The following STIM1 variants were observed in gnomAD, a reference collection of about 807,000 sequenced individuals.
STIM1 encodes stromal interaction molecule 1.
Under a neutral mutation model 74.7 loss-of-function variants are expected in STIM1, and 25 were observed. That is an observed-to-expected ratio of 0.33 (90% confidence interval 0.24 to 0.47). The LOEUF (loss-of-function observed/expected upper bound fraction) is 0.47. Ranked by LOEUF, STIM1 falls within the 20% of genes least tolerant of loss-of-function variation. STIM1 has a pLI of 1.00. For missense variants in STIM1, 728 were observed against 920.8 expected (o/e 0.79, Z 2.71); for synonymous variants, 328 against 348.8 (o/e 0.94, Z 0.66).
At chr11:4,036,085 T>G (rs1163398941) in intron 3 of STIM1, among the ~76,000 whole-genome samples, 1 of 152,180 alleles carries the variant, frequency 6.6e-6, no homozygotes, top group Non-Finnish European at 1.5e-5. Context: ...GAGCTCTCAC[T>G]TGCAAGTGAG....
intron 1 of STIM1, among the ~76,000 whole-genome samples, chr11:3,946,251 G>A (rs2093072192): frequency 6.6e-6 from 1 of 152,122 alleles, no homozygotes; most frequent in Admixed American, 6.5e-5. Flanking sequence ...CTACACCCCA[G>A]TTTTCATATC....
intron 1 of STIM1, among the ~76,000 whole-genome samples, chr11:3,860,592 A>G (rs995114597): frequency 1.3e-5 from 2 of 152,104 alleles, no homozygotes; most frequent in African/African-American, 4.8e-5. Context: ...TTTCTTTGTA[A>G]TTTTTCTCAG....
intron 2 of STIM1, among the ~76,000 whole-genome samples, chr11:3,988,689 G>A (rs1397760219): frequency 6.6e-6 from 1 of 152,120 alleles, no homozygotes; most frequent in Non-Finnish European, 1.5e-5. Context: ...ATGTTACAGA[G>A]TACACACAAT....
At chr11:4,070,258 T>G in intron 6 of STIM1, 55 bp downstream of exon 6, 1 of 1,605,200 alleles carries the variant, frequency 6.2e-7, no homozygotes, top group Admixed American at 1.7e-5. Flanking sequence ...GGGAACCTCC[T>G]ATTTCCACCT....
chr11:3,945,918 A>C (rs934717287), intron 1 of STIM1, among the ~76,000 whole-genome samples: 5 of 152,210 alleles, frequency 3.3e-5, no homozygotes, highest in African/African-American at 1.2e-4. Flanking sequence ...TTAACATGGT[A>C]AAAGCAAGAG....
In STIM1 at chr11:3,983,887, G is replaced by T. The variant is rs1229345093; in HGVS notation, c.270+16205G>T. On this transcript the variant is annotated intron_variant, in intron 2 of 12. Transcript: ENST00000526596. The stretch of plus-strand genomic sequence containing the variant: ...CTTTCTCCTTTCTTTTTTTTTTTTA[G>T]ATGGAGTTTCCTCTTGTTGCTCAGG... 4.0e-5 allele frequency among the ~76,000 whole-genome samples: 6 copies of T among 148,502 alleles called. 1 individual carries two copies. The highest frequency in any genetic ancestry group is 1.3e-4 in the Admixed American group (2 of 14,942).
At chr11:3,923,472 G>A (rs938917644) in intron 1 of STIM1, among the ~76,000 whole-genome samples, 2 of 152,018 alleles carry the variant, frequency 1.3e-5, no homozygotes, top group African/African-American at 4.8e-5. Flanking sequence ...ATCTGTGCAT[G>A]GTGGTGTACG....
intron 2 of STIM1, 145 bp from the exon 3 acceptor site, chr11:4,023,728 G>A: frequency 1.5e-6 from 1 of 681,360 alleles, no homozygotes; most frequent in Middle Eastern, 3.2e-4. Flanking sequence ...ATGTGCATAA[G>A]GAAGGATACA....
At chr11:4,014,648 G>A (rs915537904) in intron 2 of STIM1, among the ~76,000 whole-genome samples, 3 of 152,060 alleles carry the variant, frequency 2.0e-5, no homozygotes, top group Non-Finnish European at 4.4e-5. Flanking sequence ...TTGACAGTGG[G>A]GTGTTAAAGT....
chr11:4,075,474 C>T (rs1470916477), intron 7 of STIM1, among the ~76,000 whole-genome samples: 2 of 152,212 alleles, frequency 1.3e-5, no homozygotes, highest in Non-Finnish European at 2.9e-5. Context: ...ATATAAATGG[C>T]ATTATACAGT....
chr11:3,962,227 C>T (rs548237485), intron 1 of STIM1, among the ~76,000 whole-genome samples: 1 of 152,254 alleles, frequency 6.6e-6, no homozygotes, highest in Non-Finnish European at 1.5e-5. Flanking sequence ...TTGTCCCTTA[C>T]CGTCCTCCCC....
intron 2 of STIM1, among the ~76,000 whole-genome samples, chr11:3,999,934 C>A (rs2093697178): frequency 6.6e-6 from 1 of 152,126 alleles, no homozygotes; most frequent in Non-Finnish European, 1.5e-5. Flanking sequence ...GAGATTATAT[C>A]CTGCACCTGG....
intron 2 of STIM1, among the ~76,000 whole-genome samples, chr11:4,000,118 A>T (rs2093699869): frequency 6.6e-6 from 1 of 151,980 alleles, no homozygotes; most frequent in South Asian, 2.1e-4. Context: ...CGGCTCAAGG[A>T]GGCCTGCCTG....
chr11:3,869,100 C>T (rs905900314), intron 1 of STIM1, among the ~76,000 whole-genome samples: 6 of 152,054 alleles, frequency 3.9e-5, no homozygotes, highest in Admixed American at 1.3e-4. Flanking sequence ...TCCCGAGTAG[C>T]GGGGACTACA....
intron 2 of STIM1, 83 bp downstream of exon 2, chr11:3,967,765 G>A: frequency 6.3e-7 from 1 of 1,588,778 alleles, no homozygotes. Context: ...CCTCTTCCCT[G>A]GGGAGAGATG....
Position 4,092,513 on chromosome 11 carries a change from A to G in STIM1, c.*715A>G, listed in dbSNP as rs2094530090. 6.5e-6 allele frequency: 1 copy of G among 153,868 alleles called. No homozygotes were observed. Among genetic ancestry groups the G allele is most frequent in the African/African-American group, 2.4e-5 (1 of 41,418 alleles). 9.5% of individuals were successfully genotyped at this position (153,868 alleles called of 1,614,324 possible). The stretch of plus-strand genomic sequence containing the variant: ...TGAGTGGATGCCAGAACTGTAGGTT[A>G]TAAGGCAGTCACTTTTTCTCTCTAC... On this transcript the variant is annotated 3_prime_UTR_variant, in exon 13 of 13. Transcript: ENST00000526596.
chr11:4,083,600 C>G, intron 10 of STIM1, 102 bp downstream of exon 10: 1 of 1,117,680 alleles, frequency 8.9e-7, no homozygotes, highest in Non-Finnish European at 1.3e-6. Flanking sequence ...GGCAGATACC[C>G]AGGAAGATAG....
rs149481589 is a variant in STIM1, at chr11:3,930,031, A to G, written c.140-37521A>G. Among the ~76,000 whole-genome samples, 167 of 152,276 alleles carry G rather than the reference A, an allele frequency of 1.1e-3. 2 individuals are homozygous for G. In the East Asian group the frequency reaches 0.031, roughly 28 times the overall value. On this transcript the variant is annotated intron_variant, in intron 1 of 12. Coordinates refer to ENST00000526596, the MANE Select transcript of STIM1 (RefSeq NM_001382567.1). ...ATCTGCCCATCCCCTTTTAGGAGGT[A>G]ATGCAGGCCCAGGTGTATATATATG...
chr11:4,027,603 C>T (rs904415241), intron 3 of STIM1, among the ~76,000 whole-genome samples: 7 of 152,148 alleles, frequency 4.6e-5, no homozygotes, highest in African/African-American at 1.4e-4. Flanking sequence ...TGTGAACCAC[C>T]GTGCCTGGGG....
Sources: allele counts gnomAD v4.1 joint callset (sites outside exome capture counted in the v4.1 genomes callset), GRCh38; gene constraint gnomAD v4.1.1; transcripts MANE v1.5; gene names NCBI Gene and HGNC (gene_info 2026-07-23, HGNC 2026-07-21).